The following ASIC2 variants were observed in gnomAD, a reference collection of about 807,000 sequenced individuals.
The protein encoded by ASIC2 is acid-sensing ion channel 2.
Under a neutral mutation model 57.3 loss-of-function variants are expected in ASIC2, and 25 were observed. The ratio of observed to expected loss-of-function variants is 0.44; its 90% confidence interval spans 0.32 to 0.61. The LOEUF (loss-of-function observed/expected upper bound fraction) is 0.61. Among genes scored for constraint, ASIC2 ranks in the 20% least tolerant of loss-of-function variants. The probability of loss-of-function intolerance (pLI) is 0.06; values close to 1 mark genes in which losing one functional copy is unlikely to be tolerated. For missense variants in ASIC2, 641 were observed against 738.1 expected (o/e 0.87, Z 1.52); for synonymous variants, 319 against 307.5 (o/e 1.04, Z -0.39).
intron 1 of ASIC2, among the ~76,000 whole-genome samples, chr17:33,315,986 C>A (rs1906629162): frequency 1.3e-5 from 2 of 152,182 alleles, no homozygotes; most frequent in Non-Finnish European, 2.9e-5. Context: ...TGCCCTCCCC[C>A]TTCTGTGGTA....
chr17:33,919,018 G>A (rs1915650419), intron 1 of ASIC2, among the ~76,000 whole-genome samples: 1 of 152,168 alleles, frequency 6.6e-6, no homozygotes, highest in South Asian at 2.1e-4. Context: ...GAAGGATTGG[G>A]GGGTGTGCCA....
At chr17:33,017,559 G>A (rs1233366876) in intron 8 of ASIC2, 46 bp downstream of exon 8, 2 of 1,530,756 alleles carry the variant, frequency 1.3e-6, no homozygotes, top group Non-Finnish European at 1.8e-6. Context: ...GCACGATGAG[G>A]GCACCAGCAT....
chr17:33,153,519 G>C (rs1484438323), intron 1 of ASIC2, among the ~76,000 whole-genome samples: 1 of 152,366 alleles, frequency 6.6e-6, no homozygotes, highest in East Asian at 1.9e-4. Flanking sequence ...TCTTTGGAAA[G>C]TGGGAGGGAG....
At chr17:33,596,119 C>CT (rs1904970534) in intron 1 of ASIC2, among the ~76,000 whole-genome samples, 1 of 152,194 alleles carries the variant, frequency 6.6e-6, no homozygotes, top group African/African-American at 2.4e-5. Context: ...TAGACCCACC[C>CT]GCCAAATCTT....
chr17:33,633,230 G>A (rs912624403), intron 1 of ASIC2, among the ~76,000 whole-genome samples: 7 of 152,256 alleles, frequency 4.6e-5, no homozygotes, highest in African/African-American at 1.2e-4. Context: ...TTGCCACAGC[G>A]CTCCTGACCT....
At position 33,510,333 on chromosome 17, in the gene ASIC2, T is replaced by C. The variant is rs571668484; in HGVS notation, c.556-398266A>G. The stretch of plus-strand genomic sequence containing the variant: ...AAAAATCAGAAGAATTCACATACAA[T>C]TCTGGATTCCTAAGTTTTCTTGAAA... On this transcript the variant is annotated intron_variant, in intron 1 of 9. Coordinates refer to the ASIC2 transcript ENST00000359872. Among the ~76,000 whole-genome samples, 280 of 152,280 alleles carry C rather than the reference T, an allele frequency of 1.8e-3. 1 individual carries two copies. Among genetic ancestry groups the C allele is most frequent in the Non-Finnish European group, 3.2e-3 (217 of 68,032 alleles).
chr17:33,063,332 C>T (rs2141941824), intron 3 of ASIC2, among the ~76,000 whole-genome samples: 1 of 152,310 alleles, frequency 6.6e-6, no homozygotes, highest in African/African-American at 2.4e-5. Context: ...GTGCTTCCTT[C>T]AGGAGCTCTT....
intron 1 of ASIC2, among the ~76,000 whole-genome samples, chr17:33,379,525 T>C (rs1909402715): frequency 6.6e-6 from 1 of 152,174 alleles, no homozygotes; most frequent in Non-Finnish European, 1.5e-5. Flanking sequence ...GATGCCCCAG[T>C]ATTTTCTGAG....
chr17:33,191,098 A>T (rs1347410510), intron 1 of ASIC2, among the ~76,000 whole-genome samples: 1 of 152,196 alleles, frequency 6.6e-6, no homozygotes, highest in Non-Finnish European at 1.5e-5. Context: ...AGCCTAAAAG[A>T]TTTTTTTAAA....
At chr17:33,980,463 A>G (rs1268454553) in intron 1 of ASIC2, among the ~76,000 whole-genome samples, 5 of 152,214 alleles carry the variant, frequency 3.3e-5, no homozygotes, top group Non-Finnish European at 7.3e-5. Flanking sequence ...GAAAGAAGTG[A>G]AAGAATGGGC....
At chr17:33,019,793 A>G (rs2141895054) in intron 7 of ASIC2, among the ~76,000 whole-genome samples, 1 of 101,488 alleles carries the variant, frequency 9.9e-6, no homozygotes, top group South Asian at 3.0e-4. Context: ...CTTGCTCTGT[A>G]TGTCTCTCTC....
intron 1 of ASIC2, among the ~76,000 whole-genome samples, chr17:33,447,596 G>C (rs1435273706): frequency 1.3e-5 from 2 of 152,166 alleles, no homozygotes; most frequent in Non-Finnish European, 2.9e-5. Context: ...ATCTTTCAGA[G>C]TCAGGCCTAG....
intron 2 of ASIC2, among the ~76,000 whole-genome samples, chr17:33,090,392 G>A (rs2092152749): frequency 6.6e-6 from 1 of 152,320 alleles, no homozygotes; most frequent in Middle Eastern, 3.4e-3. Flanking sequence ...GGACCTCAAA[G>A]GTCCTGCACA....
Position 33,503,181 on chromosome 17 carries a change from C to T in ASIC2, c.556-391114G>A, listed in dbSNP as rs758535253. On this transcript the variant is annotated intron_variant, in intron 1 of 9. Coordinates refer to the ASIC2 transcript ENST00000359872. ...CCTATAGTGTGCTGTGCACATGGAA[C>T]GGCGTTGGAGATGAGAGAATGGTGA... 3.9e-5 allele frequency among the ~76,000 whole-genome samples: 6 copies of T among 152,154 alleles called. No homozygotes were observed. In the South Asian group the frequency reaches 6.2e-4, roughly 16 times the overall value.
intron 1 of ASIC2, among the ~76,000 whole-genome samples, chr17:33,368,051 C>T (rs2141936398): frequency 1.3e-5 from 2 of 152,232 alleles, no homozygotes; most frequent in South Asian, 4.2e-4. Flanking sequence ...ATATGTATCC[C>T]ATTCCACAAG....
At chr17:33,740,826 C>G (rs1029088101) in intron 1 of ASIC2, among the ~76,000 whole-genome samples, 1 of 152,098 alleles carries the variant, frequency 6.6e-6, no homozygotes, top group African/African-American at 2.4e-5. Flanking sequence ...GGTTCTGGGA[C>G]CAGATGGGCT....
chr17:33,887,650 T>C (rs573578616), intron 1 of ASIC2, among the ~76,000 whole-genome samples: 1 of 152,240 alleles, frequency 6.6e-6, no homozygotes, highest in East Asian at 1.9e-4. Context: ...GATTTAAGTG[T>C]TGGTGCCTTA....
intron 1 of ASIC2, among the ~76,000 whole-genome samples, chr17:33,335,985 T>C (rs1351508883): frequency 2.0e-5 from 3 of 152,112 alleles, no homozygotes. Context: ...TTGATTTCTC[T>C]CACCCTCCCC....
intron 1 of ASIC2, among the ~76,000 whole-genome samples, chr17:33,839,965 G>T (rs1332281415): frequency 6.6e-6 from 1 of 152,204 alleles, no homozygotes; most frequent in African/African-American, 2.4e-5. Flanking sequence ...TTGTTCTCCA[G>T]CCTTAGGGAT....
Sources: allele counts gnomAD v4.1 joint callset (sites outside exome capture counted in the v4.1 genomes callset), GRCh38; gene constraint gnomAD v4.1.1; transcripts MANE v1.5; gene names NCBI Gene and HGNC (gene_info 2026-07-23, HGNC 2026-07-21).